GRIN2A: variants seen among roughly 807,000 people sequenced by gnomAD.
The protein encoded by GRIN2A is glutamate ionotropic receptor NMDA type subunit 2A, also known as glutamate receptor ionotropic, NMDA 2A.
In GRIN2A, 22 loss-of-function variants were observed where a neutral mutation model predicts 113.4. The observed-to-expected ratio is 0.19, with a 90% CI of 0.14 to 0.28. The LOEUF is 0.28. GRIN2A is among the 10% of genes least tolerant of loss of function. The pLI is 1.00. For missense variants in GRIN2A, 1,502 were observed against 1,887.0 expected, an observed-to-expected ratio of 0.80 and a Z score of 3.78; for synonymous variants, 827 against 738.4, an observed-to-expected ratio of 1.12 and a Z score of -1.94.
chr16:10,117,345 A>G (rs1453018626), intron 2 of GRIN2A, among the ~76,000 whole-genome samples: 3 of 152,208 alleles, frequency 2.0e-5, no homozygotes, highest in African/African-American at 7.2e-5. Context: ...ATGAAATGAT[A>G]GGATGTTGGG....
At chr16:9,891,552 G>A (rs949273077) in intron 3 of GRIN2A, among the ~76,000 whole-genome samples, 14 of 152,196 alleles carry the variant, frequency 9.2e-5, no homozygotes, top group African/African-American at 2.9e-4. Flanking sequence ...GGGTAAATAA[G>A]AAAATGAACA....
chr16:10,006,147 C>T (rs531397864), intron 2 of GRIN2A, among the ~76,000 whole-genome samples: 1 of 152,322 alleles, frequency 6.6e-6, no homozygotes, highest in East Asian at 1.9e-4. Context: ...GTCCCAGGAA[C>T]CTGGACACCA....
intron 10 of GRIN2A, among the ~76,000 whole-genome samples, chr16:9,805,767 G>A (rs1302114531): frequency 3.3e-5 from 5 of 152,170 alleles, no homozygotes; most frequent in Non-Finnish European, 5.9e-5. Context: ...GGCAGTGGTG[G>A]TATCATTATG....
chr16:9,768,123 C>G (rs1002937744), intron 12 of GRIN2A, among the ~76,000 whole-genome samples: 1 of 152,168 alleles, frequency 6.6e-6, no homozygotes, highest in African/African-American at 2.4e-5. Context: ...TTCAGTGGCG[C>G]TATCTTGGCT....
intron 2 of GRIN2A, among the ~76,000 whole-genome samples, chr16:10,012,633 G>A (rs1596415193): frequency 6.6e-6 from 1 of 152,222 alleles, no homozygotes; most frequent in South Asian, 2.1e-4. Flanking sequence ...CTTTGCAGAT[G>A]TGATTAAGGT....
At position 9,822,274 on chromosome 16, in the gene GRIN2A, G is replaced by C; in HGVS notation, c.2158C>G (p.Leu720Val). 6.2e-7 allele frequency: 1 copy of C among 1,613,796 alleles called. No individual in the cohort carries two copies. The highest frequency in any genetic ancestry group is 8.5e-7 in the Non-Finnish European group (1 of 1,179,744). Residue 720 changes from leucine to valine, a missense_variant, in exon 10 of 13, where the codon CTG (leucine) becomes GTG (valine). Physicochemically the swap from Leu to Val is conservative, Grantham distance 32 (BLOSUM62 1). Transcript: ENST00000330684. ...QKGVEDALVSLKTGKLDAFIY... is the reference protein window; with the variant it reads ...QKGVEDALVSVKTGKLDAFIY... ...AACTGCCATCCTTACCCCGTTTTCA[G>C]GCTGACCAAGGCGTCCTCTACTCCT... is the stretch of plus-strand genomic sequence containing the variant.
intron 11 of GRIN2A, among the ~76,000 whole-genome samples, chr16:9,779,817 G>C (rs1257945806): frequency 6.6e-6 from 1 of 152,198 alleles, no homozygotes; most frequent in African/African-American, 2.4e-5. Flanking sequence ...TAAGGCACCA[G>C]ATGGGGTGAG....
rs59071952 is a variant in GRIN2A, at chr16:9,913,172, C to T, written c.1008-22072G>A. On this transcript the variant is annotated intron_variant, in intron 3 of 12. Coordinates refer to ENST00000330684, the MANE Select transcript of GRIN2A (RefSeq NM_001134407.3). ...TCAACCCACTAGCTCTAGTTCTCTACTGTAAGCAAAGGAGACTAATTCTAC... is the reference window on the plus strand; with the variant it reads ...TCAACCCACTAGCTCTAGTTCTCTATTGTAAGCAAAGGAGACTAATTCTAC... 6.7e-3 allele frequency among the ~76,000 whole-genome samples: 1,026 copies of T among 152,352 alleles called. 8 individuals carry two copies. The highest frequency in any genetic ancestry group is 0.024 in the African/African-American group (977 of 41,562).
chr16:10,013,297 C>T (rs1433245637), intron 2 of GRIN2A, among the ~76,000 whole-genome samples: 2 of 152,192 alleles, frequency 1.3e-5, no homozygotes, highest in Non-Finnish European at 2.9e-5. Flanking sequence ...CTCTGTTCCT[C>T]TCCCACGAAA....
chr16:10,166,074 C>A (rs2142340798), intron 2 of GRIN2A, among the ~76,000 whole-genome samples: 1 of 152,248 alleles, frequency 6.6e-6, no homozygotes, highest in South Asian at 2.1e-4. Context: ...ACTACATTTC[C>A]TCAGTCCTAC....
chr16:10,159,528 C>A (rs1161962754), intron 2 of GRIN2A, among the ~76,000 whole-genome samples: 1 of 152,068 alleles, frequency 6.6e-6, no homozygotes, highest in East Asian at 1.9e-4. Flanking sequence ...GTGTAGGTCC[C>A]CCAAGCATGC....
At chr16:9,923,670 A>G (rs557751786) in intron 3 of GRIN2A, among the ~76,000 whole-genome samples, 1 of 152,296 alleles carries the variant, frequency 6.6e-6, no homozygotes, top group South Asian at 2.1e-4. Context: ...TATACTACGT[A>G]AGTATACCAT....
chr16:9,810,861 A>G (rs2042072945), intron 10 of GRIN2A, among the ~76,000 whole-genome samples: 1 of 152,168 alleles, frequency 6.6e-6, no homozygotes, highest in Non-Finnish European at 1.5e-5. Context: ...CTCCACCTGC[A>G]TTTCTCTATG....
intron 11 of GRIN2A, among the ~76,000 whole-genome samples, chr16:9,774,287 A>G (rs1901468366): frequency 6.6e-6 from 1 of 152,240 alleles, no homozygotes; most frequent in African/African-American, 2.4e-5. Context: ...TCAGGTAGAA[A>G]ACACTAGAAT....
intron 2 of GRIN2A, among the ~76,000 whole-genome samples, chr16:10,124,004 G>A (rs1016703018): frequency 6.6e-6 from 1 of 152,118 alleles, no homozygotes; most frequent in African/African-American, 2.4e-5. Flanking sequence ...CCCTCACAGA[G>A]CCCTTGTTCC....
intron 2 of GRIN2A, among the ~76,000 whole-genome samples, chr16:10,156,974 G>A (rs1685640250): frequency 6.6e-6 from 1 of 152,204 alleles, no homozygotes; most frequent in Non-Finnish European, 1.5e-5. Context: ...ACAGAGCCTG[G>A]TGGTGATGGG....
intron 3 of GRIN2A, among the ~76,000 whole-genome samples, chr16:9,894,914 C>A (rs915797633): frequency 1.3e-5 from 2 of 152,176 alleles, no homozygotes; most frequent in African/African-American, 2.4e-5. Context: ...CCTGTCCATT[C>A]ATCCATCTAT....
chr16:9,942,026 T>A lies in GRIN2A; in HGVS notation c.415-3475A>T, dbSNP rs1333173871. Among the ~76,000 whole-genome samples, 3 of 152,188 alleles carry A rather than the reference T, an allele frequency of 2.0e-5. No individual in the cohort carries two copies. In the East Asian group the frequency reaches 5.8e-4, roughly 29 times the overall value. On this transcript the variant is annotated intron_variant, in intron 2 of 12. Transcript: ENST00000330684. ...TCCTCATTAAGTTGTAGGAATTAAA[T>A]GATTCTCTTGTATCAAAACACCCAG...
chr16:10,081,941 G>A (rs1449174043), intron 2 of GRIN2A, among the ~76,000 whole-genome samples: 1 of 152,200 alleles, frequency 6.6e-6, no homozygotes, highest in Non-Finnish European at 1.5e-5. Context: ...TAGTCCTGGA[G>A]TCAGCCTTGG....
Sources: allele counts gnomAD v4.1 joint callset (sites outside exome capture counted in the v4.1 genomes callset), GRCh38; gene constraint gnomAD v4.1.1; transcripts MANE v1.5; gene names NCBI Gene and HGNC (gene_info 2026-07-23, HGNC 2026-07-21).